Variants in IRF2 observed in about 807,000 individuals in gnomAD.
The protein encoded by IRF2 is interferon regulatory factor 2.
A neutral mutation model predicts 40.6 loss-of-function variants in IRF2; 15 were observed. The observed-to-expected ratio is 0.37, with a 90% CI of 0.25 to 0.57. IRF2 has a LOEUF of 0.57. Among genes scored for constraint, IRF2 ranks in the 20% least tolerant of loss-of-function variants. The pLI, the probability that IRF2 is intolerant of heterozygous loss-of-function variation, is 0.77. For missense variants in IRF2, 317 were observed against 455.7 expected (o/e 0.70, Z 2.77); for synonymous variants, 151 against 165.5 (o/e 0.91, Z 0.67).
At chr4:184,402,137 A>G (rs959144962) in intron 6 of IRF2, among the ~76,000 whole-genome samples, 2 of 152,258 alleles carry the variant, frequency 1.3e-5, no homozygotes, top group Non-Finnish European at 2.9e-5. Context: ...GCTATAGGCC[A>G]GCGACTAACC....
At chr4:184,398,829 C>G (rs780501636) in intron 7 of IRF2, 86 bp downstream of exon 7, 1 of 1,240,278 alleles carries the variant, frequency 8.1e-7, no homozygotes, top group East Asian at 2.4e-5. Flanking sequence ...GAGGGATGCT[C>G]CGTGGGGTGG....
intron 1 of IRF2, among the ~76,000 whole-genome samples, chr4:184,439,313 T>TAA (rs35943221): frequency 8.3e-5 from 8 of 96,186 alleles, no homozygotes; most frequent in East Asian, 3.0e-4. Context: ...CTTAAAACTT[T>TAA]AAAAAAAAAA....
Position 184,418,719 on chromosome 4 carries a change from A to C in IRF2, c.188-11T>G, listed in dbSNP as rs1487398985. The C allele has an allele frequency of 6.2e-7, 1 of 1,608,508 alleles. No individual in the cohort carries two copies. The highest frequency in any genetic ancestry group is 8.5e-7 in the Non-Finnish European group (1 of 1,176,332). On this transcript the variant is annotated splice_polypyrimidine_tract_variant and intron_variant, in intron 3 of 8. Coordinates refer to ENST00000393593, the MANE Select transcript of IRF2 (RefSeq NM_002199.4). ...CTGGTTGATGCTTTCCTAACAAAAG[A>C]GACAAAGATTAAGAAAAAGAGAGAA...
chr4:184,458,593 T>A (rs1404930328), intron 1 of IRF2, among the ~76,000 whole-genome samples: 8 of 152,236 alleles, frequency 5.3e-5, no homozygotes, highest in African/African-American at 1.9e-4. Context: ...CTGAAGAGAA[T>A]AAAAATTTTT....
At chr4:184,418,414 C>T (rs957579923) in intron 4 of IRF2, 118 bp downstream of exon 4, 1 of 1,051,080 alleles carries the variant, frequency 9.5e-7, no homozygotes, top group African/African-American at 1.6e-5. Context: ...GAATGATCCC[C>T]TACAGCATGA....
chr4:184,472,275 C>A (rs891053089), intron 1 of IRF2: 5 of 152,164 alleles, frequency 3.3e-5, no homozygotes, highest in Non-Finnish European at 7.3e-5. Context: ...AATCTGCGTG[C>A]GTGGTGAAGT....
chr4:184,429,113 G>T (rs1156396329), intron 1 of IRF2, 43 bp from the exon 2 acceptor site: 3 of 1,500,920 alleles, frequency 2.0e-6, no homozygotes, highest in Non-Finnish European at 2.8e-6. Context: ...GTGCCACTCA[G>T]TGTGGTGTCT....
At chr4:184,400,176 G>A (rs1044368477) in intron 6 of IRF2, among the ~76,000 whole-genome samples, 1 of 152,114 alleles carries the variant, frequency 6.6e-6, no homozygotes, top group African/African-American at 2.4e-5. Context: ...TCTCTCTCAC[G>A]TTACTCTTTG....
chr4:184,409,497 G>C (rs6816525), intron 5 of IRF2, among the ~76,000 whole-genome samples: 8 of 151,962 alleles, frequency 5.3e-5, no homozygotes, highest in African/African-American at 1.9e-4. Flanking sequence ...AAGGTCCAGC[G>C]TAAGGGCAGG....
intron 1 of IRF2, 94 bp from the exon 2 acceptor site, chr4:184,429,164 C>G (rs1737780407): frequency 2.3e-6 from 2 of 870,016 alleles, no homozygotes; most frequent in Non-Finnish European, 3.7e-6. Flanking sequence ...CTTTCCTTCT[C>G]TCCTTTCCTG....
intron 1 of IRF2, among the ~76,000 whole-genome samples, chr4:184,439,409 A>G (rs1366885551): frequency 6.8e-6 from 1 of 146,954 alleles, no homozygotes; most frequent in Non-Finnish European, 1.5e-5. Context: ...AATTTTTTTT[A>G]TTATCCTAGA....
chr4:184,468,791 G>A (rs1441904189), intron 1 of IRF2, among the ~76,000 whole-genome samples: 1 of 152,220 alleles, frequency 6.6e-6, no homozygotes, highest in Non-Finnish European at 1.5e-5. Context: ...GAAGGGGAAG[G>A]AAGGGAAAGG....
At chr4:184,447,469 A>T (rs1432996034) in intron 1 of IRF2, among the ~76,000 whole-genome samples, 10 of 152,252 alleles carry the variant, frequency 6.6e-5, no homozygotes, top group Admixed American at 6.5e-4. Context: ...GTACTCAGCC[A>T]AGAAATACCA....
intron 1 of IRF2, among the ~76,000 whole-genome samples, chr4:184,441,989 A>T (rs534773293): frequency 6.6e-6 from 1 of 152,182 alleles, no homozygotes; most frequent in Admixed American, 6.5e-5. Flanking sequence ...AGAGGTAGAG[A>T]GGGCCCCACA....
rs150575776 is a variant in IRF2, at chr4:184,399,021, C to A, written c.588G>T (p.Pro196=). The change falls in exon 7 of 9, where the codon CCG becomes CCT. Residue 196 remains proline (P), a synonymous_variant. Coordinates refer to ENST00000393593, the MANE Select transcript of IRF2 (RefSeq NM_002199.4). ...NIENQEIVTN[P]PDICQVVEVT... Reference sequence around the variant, plus strand: ...CCTCTACAACTTGGCAAATGTCTGGCGGATTGGTGACAATCTCTTGATTCT... The same window carrying A: ...CCTCTACAACTTGGCAAATGTCTGGAGGATTGGTGACAATCTCTTGATTCT... 3.5e-5 allele frequency: 57 copies of A among 1,613,194 alleles called. 1 individual carries two copies. The South Asian group carries it at 5.6e-4, about 16-fold the overall frequency.
intron 6 of IRF2, among the ~76,000 whole-genome samples, chr4:184,406,672 A>T (rs1736868040): frequency 6.6e-6 from 1 of 152,184 alleles, no homozygotes; most frequent in Non-Finnish European, 1.5e-5. Flanking sequence ...TCCTGAAACC[A>T]CGGCAAGTGC....
rs1376228686 is a variant in IRF2 at position 184,389,087 on chromosome 4, A to G, written c.742-21T>C. 5 of 1,610,204 alleles carry G rather than the reference A, an allele frequency of 3.1e-6. No individual in the cohort carries two copies. The Admixed American group carries it at 6.7e-5, about 22-fold the overall frequency. ...CGCCCCTTTCAAGAAAGTAATTAAG[A>G]TATGTATTTCCTTCTCCTTCTATTG... is the stretch of plus-strand genomic sequence containing the variant. On this transcript the variant is annotated intron_variant, in intron 8 of 8. Coordinates refer to ENST00000393593, the MANE Select transcript of IRF2 (RefSeq NM_002199.4).
At chr4:184,465,752 T>C (rs970108888) in intron 1 of IRF2, among the ~76,000 whole-genome samples, 1 of 152,216 alleles carries the variant, frequency 6.6e-6, no homozygotes, top group Non-Finnish European at 1.5e-5. Context: ...TTGTTGGATA[T>C]TTAGCTTGTT....
In IRF2 at chr4:184,426,013, T is replaced by C. The variant is rs573798682; in HGVS notation, c.87+2965A>G. ...TTGTTTGTTTGTTTGTTTGTTTGTT[T>C]GTTTTTGAGATGGAGTCTTGCTCTG... On this transcript the variant is annotated intron_variant, in intron 2 of 8. Coordinates refer to ENST00000393593, the MANE Select transcript of IRF2 (RefSeq NM_002199.4). Among the ~76,000 whole-genome samples, 4 of 146,798 alleles carry C rather than the reference T, an allele frequency of 2.7e-5. No individual in the cohort carries two copies. In the East Asian group the frequency reaches 8.2e-4, roughly 30 times the overall value.
Sources: gnomAD v4.1 joint callset for allele counts (sites outside exome capture counted in the v4.1 genomes callset) on GRCh38, gnomAD v4.1.1 for gene constraint, MANE v1.5 for transcripts, NCBI Gene and HGNC (gene_info 2026-07-23, HGNC 2026-07-21) for gene names.